AUTS2: variants seen among roughly 807,000 people sequenced by gnomAD.
The protein encoded by AUTS2 is autism susceptibility gene 2 protein.
Under a neutral mutation model 112.4 loss-of-function variants are expected in AUTS2, and 17 were observed. That is an observed-to-expected ratio of 0.15 (90% confidence interval 0.10 to 0.23). AUTS2 has a LOEUF of 0.23. AUTS2 is among the 10% of genes least tolerant of loss of function. The probability of loss-of-function intolerance (pLI) is 1.00; values close to 1 mark genes in which losing one functional copy is unlikely to be tolerated. For synonymous variants in AUTS2, 751 were observed against 702.7 expected (o/e 1.07, Z -1.09); for missense variants, 1,510 against 1,701.6 (o/e 0.89, Z 1.98).
At chr7:69,752,014 G>C (rs1787758774) in intron 1 of AUTS2, among the ~76,000 whole-genome samples, 1 of 152,150 alleles carries the variant, frequency 6.6e-6, no homozygotes, top group Non-Finnish European at 1.5e-5. Flanking sequence ...CACAGATGGT[G>C]ATTTGCCTCA....
chr7:69,762,135 G>T (rs1316235604), intron 1 of AUTS2, among the ~76,000 whole-genome samples: 2 of 152,094 alleles, frequency 1.3e-5, no homozygotes, highest in African/African-American at 4.8e-5. Context: ...TGAAAGAAGA[G>T]ACTGGGATTC....
At chr7:70,751,617 G>A (rs1437389633) in intron 6 of AUTS2, among the ~76,000 whole-genome samples, 1 of 152,136 alleles carries the variant, frequency 6.6e-6, no homozygotes, top group Admixed American at 6.5e-5. Flanking sequence ...GTGCTGTGTG[G>A]TGCAAATCCA....
chr7:69,928,783 C>T (rs1051575163), intron 2 of AUTS2, among the ~76,000 whole-genome samples: 5 of 152,130 alleles, frequency 3.3e-5, no homozygotes, highest in African/African-American at 1.2e-4. Context: ...GCTGCAGCTG[C>T]ACCTGGGAGT....
At chr7:70,487,216 C>A (rs1798046434) in intron 5 of AUTS2, among the ~76,000 whole-genome samples, 1 of 151,764 alleles carries the variant, frequency 6.6e-6, no homozygotes, top group Non-Finnish European at 1.5e-5. Context: ...TCATCCTTCT[C>A]CTTTCCTCCC....
intron 1 of AUTS2, among the ~76,000 whole-genome samples, chr7:69,763,324 C>T (rs1788274312): frequency 6.6e-6 from 1 of 152,066 alleles, no homozygotes; most frequent in Non-Finnish European, 1.5e-5. Flanking sequence ...TCTCAGTTTC[C>T]TCTCAAATGC....
intron 2 of AUTS2, among the ~76,000 whole-genome samples, chr7:70,085,470 T>C (rs1385392798): frequency 6.6e-6 from 1 of 151,920 alleles, no homozygotes; most frequent in Non-Finnish European, 1.5e-5. Flanking sequence ...GTTCAAGCAA[T>C]TATCCCTGCC....
intron 2 of AUTS2, among the ~76,000 whole-genome samples, chr7:70,110,580 A>C (rs1387948381): frequency 6.6e-6 from 1 of 152,188 alleles, no homozygotes; most frequent in Non-Finnish European, 1.5e-5. Flanking sequence ...ACTGCTATGA[A>C]GTCCACTGAA....
intron 2 of AUTS2, among the ~76,000 whole-genome samples, chr7:70,117,136 T>G (rs1327632115): frequency 1.1e-5 from 1 of 93,484 alleles, no homozygotes; most frequent in African/African-American, 4.4e-5. Context: ...TGTTTTTTTT[T>G]GTTTTTTTTT....
chr7:70,600,000 CGG>C (rs932675872), intron 5 of AUTS2, among the ~76,000 whole-genome samples: 1 of 152,142 alleles, frequency 6.6e-6, no homozygotes, highest in African/African-American at 2.4e-5. Flanking sequence ...TTCAGCACCC[CGG>C]GGACTCATTA....
chr7:69,853,794 A>T (rs913776575), intron 1 of AUTS2, among the ~76,000 whole-genome samples: 53 of 152,162 alleles, frequency 3.5e-4, no homozygotes, highest in Admixed American at 9.8e-4. Context: ...GGAAAAGTAC[A>T]TCTGTTCCAT....
intron 4 of AUTS2, among the ~76,000 whole-genome samples, chr7:70,377,809 C>T (rs1449109268): frequency 6.9e-6 from 1 of 145,838 alleles, no homozygotes. Flanking sequence ...TCTCACTTGT[C>T]GCCCAGGCTG....
chr7:70,127,118 G>T (rs1032486577), intron 3 of AUTS2, among the ~76,000 whole-genome samples: 1 of 151,162 alleles, frequency 6.6e-6, no homozygotes, highest in African/African-American at 2.4e-5. Context: ...AAGACACTGC[G>T]CCTGGCCTTG....
At chr7:70,422,742 C>G (rs765852778) in intron 4 of AUTS2, among the ~76,000 whole-genome samples, 1 of 152,074 alleles carries the variant, frequency 6.6e-6, no homozygotes, top group African/African-American at 2.4e-5. Flanking sequence ...CGCCACTGTG[C>G]TCCAGCCTGG....
Position 70,279,538 on chromosome 7 carries a change from C to G in AUTS2, c.660+144967C>G, listed in dbSNP as rs182387024. 2.2e-4 allele frequency among the ~76,000 whole-genome samples: 34 copies of G among 152,318 alleles called. No individual in the cohort carries two copies. The East Asian group carries it at 2.9e-3, about 13-fold the overall frequency. The stretch of plus-strand genomic sequence containing the variant: ...CTTAAGTTCATCACAGCAATTTAAT[C>G]AGGCCCAAATGAGCGTTGCCCAGAA... On this transcript the variant is annotated intron_variant, in intron 4 of 18. Coordinates refer to ENST00000342771, the MANE Select transcript of AUTS2 (RefSeq NM_015570.4).
chr7:69,800,527 T>C (rs1388511929), intron 1 of AUTS2, among the ~76,000 whole-genome samples: 4 of 152,200 alleles, frequency 2.6e-5, no homozygotes, highest in African/African-American at 9.6e-5. Context: ...CATTGTGAAG[T>C]TACCTCTGCC....
chr7:70,047,611 T>A (rs1801565173), intron 2 of AUTS2, among the ~76,000 whole-genome samples: 1 of 151,824 alleles, frequency 6.6e-6, no homozygotes, highest in East Asian at 1.9e-4. Flanking sequence ...CAGCAGGGAG[T>A]GAGTGGAGCG....
chr7:70,670,246 C>A (rs1260811417), intron 5 of AUTS2, among the ~76,000 whole-genome samples: 1 of 152,082 alleles, frequency 6.6e-6, no homozygotes, highest in Non-Finnish European at 1.5e-5. Flanking sequence ...TTCTGCACAC[C>A]AAGAGCCTAG....
intron 4 of AUTS2, among the ~76,000 whole-genome samples, chr7:70,263,962 C>CGG (rs1032019092): frequency 6.6e-6 from 1 of 152,042 alleles, no homozygotes; most frequent in Non-Finnish European, 1.5e-5. Context: ...TGGAAGTTAC[C>CGG]GGGGGGTCAT....
chr7:70,700,618 GA>G (rs66491971), intron 6 of AUTS2, among the ~76,000 whole-genome samples: 15,240 of 152,190 alleles, frequency 0.1, 1,099 homozygotes, highest in East Asian at 0.37. Context: ...TGTGGAGGGG[GA>G]AAGCATCGGG....
Sources: allele counts gnomAD v4.1 joint callset (sites outside exome capture counted in the v4.1 genomes callset), GRCh38; gene constraint gnomAD v4.1.1; transcripts MANE v1.5; gene names NCBI Gene and HGNC (gene_info 2026-07-23, HGNC 2026-07-21).